RMND1: variants seen among roughly 807,000 people sequenced by gnomAD.
RMND1 encodes required for meiotic nuclear division 1 homolog, also known as required for meiotic nuclear division protein 1 homolog.
In RMND1, 41 loss-of-function variants were observed where a neutral mutation model predicts 54.0. The ratio of observed to expected loss-of-function variants is 0.76; its 90% CI spans 0.59 to 0.98. The LOEUF (loss-of-function observed/expected upper bound fraction) is 0.98, where lower values mean the gene tolerates loss of function less well. Ranked by LOEUF, RMND1 falls within the 50% of genes least tolerant of loss-of-function variation. The pLI, the probability that RMND1 is intolerant of heterozygous loss-of-function variation, is 0.00. For missense variants in RMND1, 457 were observed against 532.0 expected, an observed-to-expected ratio of 0.86 and a Z score of 1.39; for synonymous variants, 183 against 181.7, an observed-to-expected ratio of 1.01 and a Z score of -0.06.
intron 5 of RMND1, among the ~76,000 whole-genome samples, chr6:151,429,543 A>C (rs117403945): frequency 0.017 from 2,623 of 152,268 alleles, 37 homozygotes; most frequent in Middle Eastern, 0.034. Context: ...ATGATTTAAC[A>C]AACTATTATT....
chr6:151,405,543 ATTAC>A (rs1404826595), intron 11 of RMND1, among the ~76,000 whole-genome samples, 173 bp downstream of exon 11: 1 of 152,232 alleles, frequency 6.6e-6, no homozygotes, highest in South Asian at 2.1e-4. Context: ...CTTTTCAAGA[ATTAC>A]TTTTAATGCA....
At chr6:151,448,982 C>T (rs920084149) in intron 1 of RMND1, among the ~76,000 whole-genome samples, 9 of 141,760 alleles carry the variant, frequency 6.3e-5, no homozygotes, top group Non-Finnish European at 1.2e-4. Flanking sequence ...GAGGCTGAGG[C>T]ACGAGAATGG....
At chr6:151,431,061 T>A (rs1408835053) in intron 4 of RMND1, among the ~76,000 whole-genome samples, 1 of 151,648 alleles carries the variant, frequency 6.6e-6, no homozygotes, top group African/African-American at 2.4e-5. Context: ...GCTACAAGAG[T>A]ATGCAGAGTA....
At chr6:151,430,725 T>C (rs897578312) in intron 4 of RMND1, among the ~76,000 whole-genome samples, 10 of 152,228 alleles carry the variant, frequency 6.6e-5, no homozygotes, top group Admixed American at 5.9e-4. Context: ...ATTATGGCTT[T>C]AACATTATTT....
chr6:151,407,960 G>C (rs781719088), intron 10 of RMND1, among the ~76,000 whole-genome samples: 1 of 151,996 alleles, frequency 6.6e-6, no homozygotes, highest in African/African-American at 2.4e-5. Context: ...TATTTATTTA[G>C]GTATAGAGGC....
intron 1 of RMND1, chr6:151,446,060 A>G: frequency 2.3e-6 from 1 of 426,322 alleles, no homozygotes. Context: ...AGCTACTGAC[A>G]TAACAAGAAC....
intron 5 of RMND1, among the ~76,000 whole-genome samples, chr6:151,429,547 T>A (rs1780397721): frequency 6.6e-6 from 1 of 152,182 alleles, no homozygotes; most frequent in Non-Finnish European, 1.5e-5. Flanking sequence ...TTTAACAAAC[T>A]ATTATTGTGT....
chr6:151,428,338 A>C (rs1780361954), intron 5 of RMND1, among the ~76,000 whole-genome samples: 1 of 152,188 alleles, frequency 6.6e-6, no homozygotes, highest in African/African-American at 2.4e-5. Context: ...TATTATGCAC[A>C]TGACATTTTC....
intron 10 of RMND1, among the ~76,000 whole-genome samples, chr6:151,412,310 C>G (rs1279791601): frequency 6.8e-6 from 1 of 147,960 alleles, no homozygotes; most frequent in Admixed American, 6.8e-5. Context: ...CCATAACTTG[C>G]TTTTTAATTT....
chr6:151,421,131 C>G, intron 9 of RMND1, 114 bp downstream of exon 9: 1 of 740,170 alleles, frequency 1.4e-6, no homozygotes, highest in Admixed American at 2.7e-5. Flanking sequence ...GAAATGAAAA[C>G]AGCTACAGTT....
chr6:151,427,417 C>T, intron 6 of RMND1, 65 bp downstream of exon 6: 1 of 949,302 alleles, frequency 1.1e-6, no homozygotes. Flanking sequence ...TAATTTGTCT[C>T]CTCTATTGCT....
chr6:151,421,400 C>G, intron 8 of RMND1, 79 bp from the exon 9 acceptor site: 1 of 950,608 alleles, frequency 1.1e-6, no homozygotes, highest in South Asian at 1.5e-5. Context: ...AGGGCAAAAT[C>G]TGAAGTGGCA....
intron 1 of RMND1, among the ~76,000 whole-genome samples, chr6:151,447,717 T>C (rs542151133): frequency 3.3e-5 from 5 of 152,310 alleles, no homozygotes; most frequent in African/African-American, 1.2e-4. Flanking sequence ...TACTATGCCA[T>C]GCCAGTTGAA....
At chr6:151,424,951 C>T (rs1197177775) in intron 6 of RMND1, among the ~76,000 whole-genome samples, 1 of 151,186 alleles carries the variant, frequency 6.6e-6, no homozygotes, top group African/African-American at 2.4e-5. Context: ...CACAAGAGGT[C>T]TTTTTTTTTG....
chr6:151,410,346 C>T lies in RMND1; in HGVS notation c.1201-4510G>A, dbSNP rs553566178. 2.1e-4 allele frequency among the ~76,000 whole-genome samples: 32 copies of T among 152,266 alleles called. 1 individual carries two copies. In the South Asian group the frequency reaches 4.8e-3, roughly 23 times the overall value. On this transcript the variant is annotated intron_variant, in intron 10 of 11. Coordinates refer to ENST00000444024, the MANE Select transcript of RMND1 (RefSeq NM_017909.4). The stretch of plus-strand genomic sequence containing the variant: ...CTGGGATTACAGGCATGAGCCACCG[C>T]ACCCGGCCTGTTCCATCTGTTTTCT...
intron 2 of RMND1, among the ~76,000 whole-genome samples, chr6:151,443,156 A>G (rs1780833687): frequency 1.3e-5 from 2 of 152,152 alleles, no homozygotes; most frequent in Non-Finnish European, 1.5e-5. Flanking sequence ...GCCGTATAAA[A>G]ATGGAGTGGC....
intron 10 of RMND1, among the ~76,000 whole-genome samples, chr6:151,413,479 ACCTG>A (rs1323283952): frequency 6.6e-6 from 1 of 152,116 alleles, no homozygotes; most frequent in Non-Finnish European, 1.5e-5. Flanking sequence ...GCCTCATGTG[ACCTG>A]CCTGCCTTGG....
chr6:151,436,961 C>T (rs554319301), intron 2 of RMND1: 1 of 156,974 alleles, frequency 6.4e-6, no homozygotes, highest in East Asian at 1.8e-4. Context: ...TATTTGAGGT[C>T]ATTTCCTAAT....
At chr6:151,433,755 CAT>C (rs1296783213) in intron 3 of RMND1, among the ~76,000 whole-genome samples, 2 of 152,044 alleles carry the variant, frequency 1.3e-5, no homozygotes, top group Admixed American at 6.5e-5. Flanking sequence ...CACTTCAAAA[CAT>C]ATGTGATTTC....
Sources: gnomAD v4.1 joint callset for allele counts (sites outside exome capture counted in the v4.1 genomes callset) on GRCh38, gnomAD v4.1.1 for gene constraint, MANE v1.5 for transcripts, NCBI Gene and HGNC (gene_info 2026-07-23, HGNC 2026-07-21) for gene names.